Variants in VLDLR observed in about 807,000 individuals in gnomAD.
VLDLR encodes the protein very low density lipoprotein receptor.
A neutral mutation model predicts 112.7 loss-of-function variants in VLDLR; 81 were observed. The observed-to-expected ratio is 0.72, with a 90% CI of 0.60 to 0.86. The LOEUF (loss-of-function observed/expected upper bound fraction) is 0.86, where lower values mean the gene tolerates loss of function less well. VLDLR is among the 40% of genes least tolerant of loss of function. The pLI, the probability that VLDLR is intolerant of heterozygous loss-of-function variation, is 0.00. For synonymous variants in VLDLR, 436 were observed against 384.8 expected (o/e 1.13, Z -1.56); for missense variants, 1,237 against 1,099.4 (o/e 1.13, Z -1.77).
intron 1 of VLDLR, among the ~76,000 whole-genome samples, chr9:2,622,861 C>G (rs964369910): frequency 2.9e-4 from 44 of 152,240 alleles, no homozygotes; most frequent in African/African-American, 8.7e-4. Flanking sequence ...GACTGCGACT[C>G]CCCCGGCGCG....
rs1413823763 is a variant in VLDLR at position 2,654,249 on chromosome 9, C to G, written c.*381C>G. The stretch of plus-strand genomic sequence containing the variant: ...AATATCCCAGAGAACAATCACTATT[C>G]TTAAGCACTTTGAAAATATTTCTAT... On this transcript the variant is annotated 3_prime_UTR_variant, in exon 19 of 19. Coordinates refer to ENST00000382100, the MANE Select transcript of VLDLR (RefSeq NM_003383.5). The G allele has an allele frequency of 5.1e-6, 1 of 197,744 alleles. No individual in the cohort carries two copies. The highest frequency in any genetic ancestry group is 2.3e-5 in the African/African-American group (1 of 42,888). The allele number at this position is 197,744 out of a possible 1,614,324, so 12.2% of individuals were successfully genotyped here.
At position 2,647,600 on chromosome 9, in the gene VLDLR, T is replaced by C. The variant is rs1484582581; in HGVS notation, c.1822+8T>C. 1 of 1,607,818 alleles carries C rather than the reference T, an allele frequency of 6.2e-7. No homozygotes were observed. Among genetic ancestry groups the C allele is most frequent in the African/African-American group, 1.3e-5 (1 of 74,808 alleles). ...CTAACGGAATTACACTTGGTATGTA[T>C]GTTCTTCCTTCTCGACCACCCACTC... On this transcript the variant is annotated splice_region_variant and intron_variant, in intron 12 of 18. Coordinates refer to ENST00000382100, the MANE Select transcript of VLDLR (RefSeq NM_003383.5).
At chr9:2,630,385 A>T (rs1817288700) in intron 1 of VLDLR, among the ~76,000 whole-genome samples, 1 of 151,994 alleles carries the variant, frequency 6.6e-6, no homozygotes, top group Non-Finnish European at 1.5e-5. Context: ...GACGGAAGGA[A>T]TTCCAGCAAG....
At chr9:2,641,022 A>G (rs1817798063) in intron 3 of VLDLR, among the ~76,000 whole-genome samples, 1 of 152,250 alleles carries the variant, frequency 6.6e-6, no homozygotes, top group Non-Finnish European at 1.5e-5. Flanking sequence ...AGATTAGATG[A>G]CAATATCTAG....
intron 1 of VLDLR, among the ~76,000 whole-genome samples, chr9:2,625,999 C>T (rs1423112888): frequency 6.6e-6 from 1 of 152,200 alleles, no homozygotes; most frequent in Admixed American, 6.5e-5. Context: ...TGTCTCTTTG[C>T]TAAGTTCGTC....
chr9:2,621,907 C>G lies in VLDLR; in HGVS notation c.-283C>G, dbSNP rs1360426064. Reference sequence around the variant, plus strand: ...CTTCCCTCCTCTCCCCTTGCCTCCCCTCCTCTGCAGCGCCTGCATTATTTT... The same window carrying G: ...CTTCCCTCCTCTCCCCTTGCCTCCCGTCCTCTGCAGCGCCTGCATTATTTT... On this transcript the variant is annotated 5_prime_UTR_variant, in exon 1 of 19. Transcript: ENST00000382100. 3 of 637,344 alleles carry G rather than the reference C, an allele frequency of 4.7e-6. No individual in the cohort carries two copies. Among genetic ancestry groups the G allele is most frequent in the South Asian group, 4.6e-5 (3 of 65,228 alleles). The allele number at this position is 637,344 out of a possible 1,614,324, so 39.5% of individuals were successfully genotyped here.
chr9:2,646,577 G>A, intron 11 of VLDLR, 25 bp downstream of exon 11: 2 of 1,609,538 alleles, frequency 1.2e-6, no homozygotes, highest in Non-Finnish European at 1.7e-6. Flanking sequence ...TTCCATCACA[G>A]ACTTTGGAAT....
Position 2,652,939 on chromosome 9 carries a change from C to A in VLDLR, c.2576C>A (p.Thr859Lys). ...AGACACAGTGCTTCTGTTGGACACA[C>A]GTACCCAGCAGTAAGTCAGCTTTGT... ...IGRHSASVGH[T>K]YPAISVVSTD... Residue 859 changes from threonine to lysine, a missense_variant, in exon 18 of 19, where the codon ACG becomes AAG. Coordinates refer to ENST00000382100, the MANE Select transcript of VLDLR (RefSeq NM_003383.5). 1 of 1,614,020 alleles carries A rather than the reference C, an allele frequency of 6.2e-7. No individual in the cohort carries two copies. Among genetic ancestry groups the A allele is most frequent in the Non-Finnish European group, 8.5e-7 (1 of 1,179,934 alleles).
intron 3 of VLDLR, 44 bp from the exon 4 acceptor site, chr9:2,641,333 T>C (rs536479663): frequency 7.3e-5 from 117 of 1,613,230 alleles, no homozygotes; most frequent in South Asian, 7.0e-4. Flanking sequence ...CAGCTTTGCA[T>C]TGATCAGTTC....
chr9:2,651,576 G>A, intron 16 of VLDLR, 78 bp downstream of exon 16: 1 of 1,334,042 alleles, frequency 7.5e-7, no homozygotes, highest in Non-Finnish European at 1.1e-6. Flanking sequence ...AATAATTAAT[G>A]CAGCCTTTAA....
At chr9:2,643,138 G>A in intron 4 of VLDLR, 22 bp from the exon 5 acceptor site, 1 of 1,605,510 alleles carries the variant, frequency 6.2e-7, no homozygotes, top group Non-Finnish European at 8.5e-7. Flanking sequence ...CATTTTCAGT[G>A]GGGCATCCTC....
At chr9:2,649,750 C>G (rs1194961364) in intron 14 of VLDLR, among the ~76,000 whole-genome samples, 1 of 152,170 alleles carries the variant, frequency 6.6e-6, no homozygotes, top group Non-Finnish European at 1.5e-5. Flanking sequence ...CTGTAAATAT[C>G]CTATCCTCAA....
At chr9:2,640,012 T>A in intron 3 of VLDLR, 31 bp downstream of exon 3, 2 of 1,614,188 alleles carry the variant, frequency 1.2e-6, no homozygotes, top group Non-Finnish European at 1.7e-6. Flanking sequence ...CCTTGAACTT[T>A]GCCAAGTTGT....
At position 2,645,692 on chromosome 9, in the gene VLDLR, C is replaced by T. The variant is rs573868499; in HGVS notation, c.1431C>T (p.Asp477=). Residue 477 remains aspartate, a synonymous_variant, in exon 10 of 19, where the codon GAC becomes GAT. Transcript: ENST00000382100. ...GAAACACTGTGGCTCTCGATGCTGA[C>T]ATTGCTGCCCAGAAACTATTCTGGG... ...QLRNTVALDA[D]IAAQKLFWAD... 15 of 1,614,194 alleles carry T rather than the reference C, an allele frequency of 9.3e-6. No homozygotes were observed. The South Asian group carries it at 1.1e-4, about 12-fold the overall frequency.
Position 2,656,755 on chromosome 9 carries a change from C to T in VLDLR, c.*2887C>T, listed in dbSNP as rs1243800694. ...CAAAGATTGATGATAGATGAATAAA[C>T]AGATTTGTGGCCTCTGGTAAAGAAA... On this transcript the variant is annotated 3_prime_UTR_variant, in exon 19 of 19. Transcript: ENST00000382100. 6.6e-6 allele frequency: 1 copy of T among 151,810 alleles called. No homozygotes were observed. The highest frequency in any genetic ancestry group is 1.5e-5 in the Non-Finnish European group (1 of 67,972). 9.4% of individuals were successfully genotyped at this position (151,810 alleles called of 1,614,324 possible).
intron 1 of VLDLR, among the ~76,000 whole-genome samples, chr9:2,625,776 T>A (rs1817062716): frequency 6.6e-6 from 1 of 152,220 alleles, no homozygotes; most frequent in Admixed American, 6.5e-5. Flanking sequence ...AAATACTGTC[T>A]GCTGAGGTTA....
intron 4 of VLDLR, among the ~76,000 whole-genome samples, chr9:2,642,909 AT>A (rs1817887909): frequency 6.6e-6 from 1 of 152,216 alleles, no homozygotes; most frequent in East Asian, 1.9e-4. Context: ...TGTGGTTCTC[AT>A]CTCAAATTAA....
rs1283978781 is a variant in VLDLR, at chr9:2,648,674, T to C, written c.1968T>C (p.Arg656=). ...HPLALTIFED[R]VYWIDGENEA... is the part of the protein sequence containing the mutation. ...ATTGTGGGCTTCTGTTTTAGGATCG[T>C]GTCTACTGGATAGATGGGGAAAATG... Residue 656 remains arginine, a synonymous_variant, in exon 14 of 19, where the codon CGT becomes CGC. Coordinates refer to ENST00000382100, the MANE Select transcript of VLDLR (RefSeq NM_003383.5). 1.2e-6 allele frequency: 2 copies of C among 1,614,110 alleles called. No individual in the cohort carries two copies. Among genetic ancestry groups the C allele is most frequent in the African/African-American group, 2.7e-5 (2 of 74,936 alleles).
In VLDLR at chr9:2,650,414, T is replaced by C; in HGVS notation, c.2149T>C (p.Tyr717His). Residue 717 changes from tyrosine (Y) to histidine (H), a missense_variant, in exon 15 of 19, where the codon TAC (tyrosine) becomes CAC (histidine). Coordinates refer to ENST00000382100, the MANE Select transcript of VLDLR (RefSeq NM_003383.5). ...AGACATGGAGAATGGAGGATGTGAA[T>C]ACCTATGCCTGCCAGCACCACAGAT... ...EEDMENGGCE[Y>H]LCLPAPQIND... 6.2e-7 allele frequency: 1 copy of C among 1,614,054 alleles called. No homozygotes were observed. Among genetic ancestry groups the C allele is most frequent in the Non-Finnish European group, 8.5e-7 (1 of 1,179,996 alleles).
Sources: allele counts gnomAD v4.1 joint callset (sites outside exome capture counted in the v4.1 genomes callset), GRCh38; gene constraint gnomAD v4.1.1; transcripts MANE v1.5; gene names NCBI Gene and HGNC (gene_info 2026-07-23, HGNC 2026-07-21).